TLL2: variants seen among roughly 807,000 people sequenced by gnomAD.
TLL2 encodes tolloid like 2, also known as tolloid-like protein 2.
A neutral mutation model predicts 123.0 loss-of-function variants in TLL2; 106 were observed. The ratio of observed to expected loss-of-function variants is 0.86; its 90% confidence interval spans 0.74 to 1.01. TLL2 has a LOEUF of 1.01. TLL2 is among the 50% of genes least tolerant of loss of function. TLL2 has a pLI of 0.00. For synonymous variants in TLL2, 494 were observed against 516.8 expected (o/e 0.96, Z 0.60); for missense variants, 1,332 against 1,336.7 (o/e 1.00, Z 0.06).
At chr10:96,423,326 C>T (rs7078433) in intron 5 of TLL2, among the ~76,000 whole-genome samples, 49,644 of 151,806 alleles carry the variant, frequency 0.33, 8,190 homozygotes, top group Non-Finnish European at 0.36. Flanking sequence ...ATACTCTACC[C>T]CTCCACCTGC....
chr10:96,484,590 TACAC>T (rs56286214), intron 1 of TLL2, among the ~76,000 whole-genome samples: 27,603 of 145,818 alleles, frequency 0.19, 2,699 homozygotes, highest in South Asian at 0.26. Context: ...TACACATAAG[TACAC>T]ACACACACAC....
intron 11 of TLL2, 147 bp from the exon 12 acceptor site, chr10:96,396,167 G>A (rs1006778628): frequency 8.8e-6 from 8 of 907,282 alleles, no homozygotes; most frequent in South Asian, 2.4e-5. Context: ...CACAAACACC[G>A]CGCCTCCAGA....
intron 20 of TLL2, 75 bp downstream of exon 20, chr10:96,369,990 C>T (rs1276893809): frequency 2.0e-6 from 3 of 1,478,912 alleles, no homozygotes; most frequent in Non-Finnish European, 2.7e-6. Flanking sequence ...GACTGAAAGC[C>T]GGGCGTGTCT....
chr10:96,474,635 C>G (rs1847219295), intron 2 of TLL2, among the ~76,000 whole-genome samples: 1 of 152,172 alleles, frequency 6.6e-6, no homozygotes, highest in Admixed American at 6.5e-5. Flanking sequence ...CATGAAGGGC[C>G]TTAAGAGTCC....
At position 96,373,631 on chromosome 10, in the gene TLL2, A is replaced by G; in HGVS notation, c.2627T>C (p.Val876Ala). ...MFLRFYSDAS[V>A]QRKGFQAVHS... ...CACTGCCTGGAAGCCTTTCCTCTGC[A>G]CTGAGGCATCCGAATAAAACCTGAG... The change falls in exon 19 of 21, where the codon GTG becomes GCG. Residue 876 changes from valine to alanine, a missense_variant. Physicochemically the swap from Val to Ala is moderately conservative, Grantham distance 64. Transcript: ENST00000357947. The G allele has an allele frequency of 6.2e-7, 1 of 1,614,240 alleles. No individual in the cohort carries two copies. Among genetic ancestry groups the G allele is most frequent in the East Asian group, 2.2e-5 (1 of 44,884 alleles).
intron 17 of TLL2, among the ~76,000 whole-genome samples, chr10:96,377,526 C>T (rs2134053382): frequency 6.6e-6 from 1 of 152,264 alleles, no homozygotes; most frequent in Admixed American, 6.5e-5. Flanking sequence ...TTCTCACTTC[C>T]CAAATAAGAA....
In TLL2 at chr10:96,365,997, T is replaced by G. The variant is rs79265866; in HGVS notation, c.*2091A>C. The G allele has an allele frequency of 1.3e-5, 2 of 152,362 alleles. No individual in the cohort carries two copies. Among genetic ancestry groups the G allele is most frequent in the South Asian group, 4.1e-4 (2 of 4,826 alleles). 9.4% of individuals were successfully genotyped at this position (152,362 alleles called of 1,614,324 possible). A position where few individuals can be genotyped will look rare whatever the true frequency, so the allele number is the denominator to read the frequency against. On this transcript the variant is annotated 3_prime_UTR_variant, in exon 21 of 21. Coordinates refer to ENST00000357947, the MANE Select transcript of TLL2 (RefSeq NM_012465.4). ...TTTCTGACTCCCTCCCACTTTTCTA[T>G]GAAATTTGTTAATCTTGCTTAGACT...
At chr10:96,448,951 A>G (rs915306486) in intron 2 of TLL2, among the ~76,000 whole-genome samples, 29 of 152,306 alleles carry the variant, frequency 1.9e-4, no homozygotes, top group African/African-American at 6.3e-4. Flanking sequence ...GGGCTTTGTA[A>G]CTGCACTGGT....
At chr10:96,500,159 A>T (rs1227296199) in intron 1 of TLL2, among the ~76,000 whole-genome samples, 2 of 89,572 alleles carry the variant, frequency 2.2e-5, no homozygotes, top group East Asian at 2.7e-4. Context: ...AAAAAAAAAA[A>T]ATACAAAAAT....
chr10:96,480,767 A>T (rs1172006147), intron 1 of TLL2, among the ~76,000 whole-genome samples: 2 of 152,238 alleles, frequency 1.3e-5, no homozygotes, highest in East Asian at 3.8e-4. Context: ...CCACAAAAAG[A>T]CAGCTGCTTC....
At chr10:96,383,787 A>AT (rs56007977) in intron 16 of TLL2, among the ~76,000 whole-genome samples, 4,299 of 137,408 alleles carry the variant, frequency 0.031, 175 homozygotes, top group African/African-American at 0.089. Context: ...CGCCCGGCTA[A>AT]TTTTTTTTTT....
chr10:96,422,939 C>G (rs1368137266), intron 5 of TLL2, among the ~76,000 whole-genome samples: 1 of 152,070 alleles, frequency 6.6e-6, no homozygotes, highest in Non-Finnish European at 1.5e-5. Flanking sequence ...ACCTGCCTGG[C>G]CAACATGGTG....
chr10:96,374,282 T>G (rs1368817029), intron 18 of TLL2: 1 of 183,888 alleles, frequency 5.4e-6, no homozygotes, highest in Non-Finnish European at 1.1e-5. Context: ...TACACCCCTG[T>G]GATGTGTCTA....
At chr10:96,481,381 C>T (rs758840369) in intron 1 of TLL2, among the ~76,000 whole-genome samples, 1 of 152,146 alleles carries the variant, frequency 6.6e-6, no homozygotes, top group African/African-American at 2.4e-5. Context: ...TCTCCTGCCT[C>T]GGCCTCTCAA....
intron 2 of TLL2, among the ~76,000 whole-genome samples, chr10:96,456,943 A>C (rs1847022585): frequency 6.6e-6 from 1 of 152,150 alleles, no homozygotes; most frequent in South Asian, 2.1e-4. Context: ...GATGGGAGGG[A>C]GTCAGTTAGG....
intron 2 of TLL2, among the ~76,000 whole-genome samples, chr10:96,453,903 T>G (rs1423983671): frequency 6.6e-6 from 1 of 152,164 alleles, no homozygotes; most frequent in African/African-American, 2.4e-5. Flanking sequence ...CTTTTGTAAT[T>G]TCCAAATTTT....
chr10:96,407,605 A>ACACTTAGC, intron 9 of TLL2, among the ~76,000 whole-genome samples: 1 of 152,348 alleles, frequency 6.6e-6, no homozygotes, highest in African/African-American at 2.4e-5. Flanking sequence ...CATTGAGTGT[A>ACACTTAGC]CACTTAGCAT....
chr10:96,452,188 T>C (rs771787895), intron 2 of TLL2, among the ~76,000 whole-genome samples: 1 of 152,166 alleles, frequency 6.6e-6, no homozygotes, highest in Non-Finnish European at 1.5e-5. Flanking sequence ...ATTAAGCACT[T>C]TGAGGAAATT....
chr10:96,392,091 C>T (rs1385003545), intron 13 of TLL2, among the ~76,000 whole-genome samples: 2 of 152,178 alleles, frequency 1.3e-5, no homozygotes, highest in African/African-American at 2.4e-5. Context: ...GTGCTTTCCT[C>T]GGCGTCTCCA....
Sources: gnomAD v4.1 joint callset for allele counts (sites outside exome capture counted in the v4.1 genomes callset) on GRCh38, gnomAD v4.1.1 for gene constraint, MANE v1.5 for transcripts, NCBI Gene and HGNC (gene_info 2026-07-23, HGNC 2026-07-21) for gene names.